Variants in CNOT6 observed in about 807,000 individuals in gnomAD.
CNOT6 encodes carbon catabolite repression 4 protein.
In CNOT6, 12 loss-of-function variants were observed where a neutral mutation model predicts 61.2. The ratio of observed to expected loss-of-function variants is 0.20; its 90% CI spans 0.13 to 0.32. The LOEUF (loss-of-function observed/expected upper bound fraction) is 0.32. Among genes scored for constraint, CNOT6 ranks in the 10% least tolerant of loss-of-function variants. CNOT6 has a pLI of 1.00. For missense variants in CNOT6, 405 were observed against 663.9 expected (o/e 0.61, Z 4.28); for synonymous variants, 225 against 240.6 (o/e 0.94, Z 0.60).
intron 1 of CNOT6, among the ~76,000 whole-genome samples, chr5:180,508,460 C>T (rs952041064): frequency 7.9e-5 from 12 of 151,858 alleles, no homozygotes; most frequent in Non-Finnish European, 1.2e-4. Flanking sequence ...TACAGGCGCA[C>T]GCCACCATGC....
At chr5:180,545,697 G>A (rs1013744152) in intron 2 of CNOT6, among the ~76,000 whole-genome samples, 2 of 152,080 alleles carry the variant, frequency 1.3e-5, no homozygotes, top group African/African-American at 4.8e-5. Context: ...CTTTGTGTGG[G>A]CATAACTTTT....
intron 1 of CNOT6, among the ~76,000 whole-genome samples, chr5:180,510,078 A>G (rs1757315376): frequency 6.8e-6 from 1 of 147,226 alleles, no homozygotes; most frequent in Admixed American, 6.8e-5. Flanking sequence ...GGAAAGACTA[A>G]TGATAGACAT....
chr5:180,539,121 G>T (rs6876372), intron 2 of CNOT6, among the ~76,000 whole-genome samples: 1 of 147,958 alleles, frequency 6.8e-6, no homozygotes, highest in East Asian at 2.0e-4. Flanking sequence ...GTTGCAGTGA[G>T]CTGAGATCAT....
chr5:180,564,300 T>C (rs946766263), intron 4 of CNOT6, among the ~76,000 whole-genome samples, 189 bp from the exon 5 acceptor site: 1 of 152,210 alleles, frequency 6.6e-6, no homozygotes, highest in African/African-American at 2.4e-5. Context: ...GTTTTGAATG[T>C]GTATATAGAA....
chr5:180,543,972 G>A (rs1037274815), intron 2 of CNOT6, among the ~76,000 whole-genome samples: 2 of 151,980 alleles, frequency 1.3e-5, no homozygotes, highest in Admixed American at 6.6e-5. Context: ...CACCACGCCT[G>A]GCTAATTTTT....
At chr5:180,509,095 C>T (rs750770013) in intron 1 of CNOT6, among the ~76,000 whole-genome samples, 129 of 152,246 alleles carry the variant, frequency 8.5e-4, no homozygotes, top group Non-Finnish European at 1.4e-3. Flanking sequence ...ACTGTGATTA[C>T]AGGTGTGAGC....
intron 10 of CNOT6, among the ~76,000 whole-genome samples, chr5:180,570,353 AAATAAT>A (rs991415118): frequency 6.6e-6 from 1 of 152,100 alleles, no homozygotes; most frequent in Non-Finnish European, 1.5e-5. Flanking sequence ...ACGAGACTAT[AAATAAT>A]AATAATATGA....
In CNOT6 at chr5:180,513,491, C is replaced by G. The variant is rs527238285; in HGVS notation, c.-2-15784C>G. Among the ~76,000 whole-genome samples, 4 of 151,950 alleles carry G rather than the reference C, an allele frequency of 2.6e-5. No individual in the cohort carries two copies. The South Asian group carries it at 8.3e-4, about 32-fold the overall frequency. Reference sequence around the variant, plus strand: ...AAGCGATTCTCCTGCCTCAGCTTCCCTACTCTTAGAGTAGCTGGGATACAG... The same window carrying G: ...AAGCGATTCTCCTGCCTCAGCTTCCGTACTCTTAGAGTAGCTGGGATACAG... On this transcript the variant is annotated intron_variant, in intron 1 of 11. Coordinates refer to ENST00000261951, the MANE Select transcript of CNOT6 (RefSeq NM_001370472.1).
At chr5:180,505,251 ATT>A (rs70973919) in intron 1 of CNOT6, among the ~76,000 whole-genome samples, 14,029 of 59,790 alleles carry the variant, frequency 0.23, 1,795 homozygotes, top group Middle Eastern at 0.3. Context: ...GTAATAGTTA[ATT>A]TTTTTTTTTT....
chr5:180,504,999 C>T (rs1369121566), intron 1 of CNOT6, among the ~76,000 whole-genome samples: 3 of 131,750 alleles, frequency 2.3e-5, no homozygotes, highest in African/African-American at 8.2e-5. Flanking sequence ...TTGCTCTGTC[C>T]CCAGGCTGGA....
chr5:180,570,639 C>T (rs1207223254), intron 10 of CNOT6, among the ~76,000 whole-genome samples: 3 of 152,150 alleles, frequency 2.0e-5, no homozygotes, highest in Non-Finnish European at 4.4e-5. Context: ...TAATAGCAGG[C>T]AGGTCAGAAA....
At chr5:180,525,235 A>G (rs1298479654) in intron 1 of CNOT6, among the ~76,000 whole-genome samples, 1 of 152,178 alleles carries the variant, frequency 6.6e-6, no homozygotes, top group Non-Finnish European at 1.5e-5. Flanking sequence ...GTCAAAACCC[A>G]TTTCTATGTT....
intron 11 of CNOT6, among the ~76,000 whole-genome samples, chr5:180,572,522 T>A (rs1760802628): frequency 6.6e-6 from 1 of 151,912 alleles, no homozygotes; most frequent in Admixed American, 6.5e-5. Context: ...TAGTGATTGT[T>A]TAGGGCTGTC....
chr5:180,536,267 G>A (rs564946712), intron 2 of CNOT6, among the ~76,000 whole-genome samples: 1 of 152,050 alleles, frequency 6.6e-6, no homozygotes, highest in African/African-American at 2.4e-5. Flanking sequence ...CCAAAGTGCT[G>A]GGATTACAGG....
At chr5:180,565,615 T>C (rs1581568057) in intron 6 of CNOT6, among the ~76,000 whole-genome samples, 1 of 152,304 alleles carries the variant, frequency 6.6e-6, no homozygotes, top group South Asian at 2.1e-4. Context: ...GGTAGTACAT[T>C]GTATTCTAAC....
chr5:180,495,152 T>TGTGTGGA (rs1458990226), intron 1 of CNOT6, among the ~76,000 whole-genome samples: 1 of 152,220 alleles, frequency 6.6e-6, no homozygotes, highest in African/African-American at 2.4e-5. Flanking sequence ...GGTGGCGCGC[T>TGTGTGGA]GTGTGGAGTG....
chr5:180,568,036 A>G (rs777375637), intron 9 of CNOT6, 33 bp downstream of exon 9: 4 of 1,559,090 alleles, frequency 2.6e-6, no homozygotes, highest in Non-Finnish European at 2.6e-6. Flanking sequence ...AAAATTGACC[A>G]GCTCTGACTA....
rs771626041 is a variant in CNOT6, at chr5:180,574,041, C to T, written c.1515C>T (p.Ile505=). The T allele has an allele frequency of 1.2e-6, 2 of 1,614,032 alleles. No homozygotes were observed. Residue 505 remains isoleucine, a synonymous_variant, in exon 12 of 12, where the codon ATC becomes ATT. Transcript: ENST00000261951. ...YSKPQLNTLG[I]LGPLDHHWLV... ...AACCTCAGCTGAACACCTTAGGCAT[C>T]CTGGGCCCTCTGGACCACCACTGGC...
rs1427030571 is a variant in CNOT6, at chr5:180,538,340, G to A, written c.112+8952G>A. 2.8e-5 allele frequency among the ~76,000 whole-genome samples: 4 copies of A among 142,524 alleles called. No homozygotes were observed. In the East Asian group the frequency reaches 6.3e-4, roughly 23 times the overall value. 93.5% of individuals were successfully genotyped at this position (142,524 alleles called of 152,430 possible). On this transcript the variant is annotated intron_variant, in intron 2 of 11. Coordinates refer to ENST00000261951, the MANE Select transcript of CNOT6 (RefSeq NM_001370472.1). ...AGGCGTGAGCCACCGCACCTGGCCG[G>A]AACATCATCTTTATTAAAAAATACA...
Sources: gnomAD v4.1 joint callset for allele counts (sites outside exome capture counted in the v4.1 genomes callset) on GRCh38, gnomAD v4.1.1 for gene constraint, MANE v1.5 for transcripts, NCBI Gene and HGNC (gene_info 2026-07-23, HGNC 2026-07-21) for gene names.